CLYBL: variants seen among roughly 807,000 people sequenced by gnomAD.
The protein encoded by CLYBL is citramalyl-CoA lyase, mitochondrial.
Under a neutral mutation model 38.9 loss-of-function variants are expected in CLYBL, and 31 were observed. That is an observed-to-expected ratio of 0.80 (90% CI 0.60 to 1.08). The LOEUF (loss-of-function observed/expected upper bound fraction) is 1.08, where lower values mean the gene tolerates loss of function less well. Among genes scored for constraint, CLYBL ranks in the 50% least tolerant of loss-of-function variants. The pLI, the probability that CLYBL is intolerant of heterozygous loss-of-function variation, is 0.00. For missense variants in CLYBL, 434 were observed against 411.6 expected, an observed-to-expected ratio of 1.05 and a Z score of -0.47; for synonymous variants, 171 against 158.6, an observed-to-expected ratio of 1.08 and a Z score of -0.59.
chr13:99,751,233 T>G (rs2048951223), intron 1 of CLYBL, among the ~76,000 whole-genome samples: 1 of 152,094 alleles, frequency 6.6e-6, no homozygotes, highest in African/African-American at 2.4e-5. Context: ...TTTTGTTTTT[T>G]TTTTTTAGAT....
At chr13:99,693,602 T>C (rs2047939119) in intron 1 of CLYBL, among the ~76,000 whole-genome samples, 1 of 151,944 alleles carries the variant, frequency 6.6e-6, no homozygotes, top group Non-Finnish European at 1.5e-5. Context: ...AGAGAGATTA[T>C]TTTAAGTACC....
rs148788664 is a variant in CLYBL at position 99,628,088 on chromosome 13, C to T, written c.62+21331C>T. Among the ~76,000 whole-genome samples, 295 of 152,268 alleles carry T rather than the reference C, an allele frequency of 1.9e-3. 1 individual carries two copies. Among genetic ancestry groups the T allele is most frequent in the African/African-American group, 5.9e-3 (246 of 41,570 alleles). ...AACATTTTTACTTGTGTAGTTAGCACGATCACTTCTCCAAGTACAATAATC... is the reference window on the plus strand; with the variant it reads ...AACATTTTTACTTGTGTAGTTAGCATGATCACTTCTCCAAGTACAATAATC... On this transcript the variant is annotated intron_variant, in intron 1 of 8. Coordinates refer to ENST00000339105, the MANE Select transcript of CLYBL (RefSeq NM_206808.5).
rs112658506 is a variant in CLYBL, at chr13:99,882,646, G to A, written c.928-8672G>A. Among the ~76,000 whole-genome samples the A allele has an allele frequency of 5.6e-4, 85 of 151,808 alleles. 1 individual carries two copies. Among genetic ancestry groups the A allele is most frequent in the African/African-American group, 1.3e-3 (52 of 41,368 alleles). ...GCCATTGCACTCCAGCCTGGGAGAC[G>A]GGAGTGAGACCCTGTCTCAAAAAAA... On this transcript the variant is annotated intron_variant, in intron 7 of 8. Transcript: ENST00000339105.
rs115352025 is a variant in CLYBL at position 99,611,838 on chromosome 13, T to G, written c.62+5081T>G. ...TGAGTAAGCTTTGGTAGTTTGTATC[T>G]TTGAAGGACTATGTCCATTTCATCT... On this transcript the variant is annotated intron_variant, in intron 1 of 8. Coordinates refer to ENST00000339105, the MANE Select transcript of CLYBL (RefSeq NM_206808.5). Among the ~76,000 whole-genome samples, 265 of 152,358 alleles carry G rather than the reference T, an allele frequency of 1.7e-3. 1 individual carries two copies. The highest frequency in any genetic ancestry group is 6.1e-3 in the African/African-American group (253 of 41,592).
intron 1 of CLYBL, among the ~76,000 whole-genome samples, chr13:99,615,935 G>A (rs2046701804): frequency 1.3e-5 from 2 of 152,190 alleles, no homozygotes; most frequent in East Asian, 1.9e-4. Context: ...CTGGGTTCAA[G>A]CGATCCTCCT....
intron 2 of CLYBL, among the ~76,000 whole-genome samples, chr13:99,792,808 AC>A (rs1391285423): frequency 6.6e-6 from 1 of 152,160 alleles, no homozygotes; most frequent in East Asian, 1.9e-4. Flanking sequence ...AGACTGCAGA[AC>A]CGGGGAGGCA....
Position 99,833,030 on chromosome 13 carries a change from ATTTTTTTTTTTTT to A in CLYBL, c.250-25815_250-25803del, listed in dbSNP as rs869061868. 2.2e-3 allele frequency among the ~76,000 whole-genome samples: 80 copies of A among 35,876 alleles called. 2 individuals are homozygous for A. Among genetic ancestry groups the A allele is most frequent in the African/African-American group, 0.011 (78 of 7,146 alleles). 23.5% of individuals were successfully genotyped at this position (35,876 alleles called of 152,430 possible). ...TACATATATATATATATATATATATATTTTTTTTTTTTTTTTTTTTTTTTTTTTGAGATGGAGT... is the reference window on the plus strand; with the variant it reads ...TACATATATATATATATATATATATATTTTTTTTTTTTTTTGAGATGGAGT... On this transcript the variant is annotated intron_variant, in intron 2 of 8. Coordinates refer to ENST00000339105, the MANE Select transcript of CLYBL (RefSeq NM_206808.5).
chr13:99,887,260 T>C (rs192559699), intron 7 of CLYBL, among the ~76,000 whole-genome samples: 4 of 152,208 alleles, frequency 2.6e-5, no homozygotes, highest in Non-Finnish European at 5.9e-5. Context: ...ATTGTTCTGA[T>C]TCAGGGGGTC....
intron 2 of CLYBL, among the ~76,000 whole-genome samples, chr13:99,776,380 C>T (rs1459735770): frequency 6.6e-6 from 1 of 150,984 alleles, no homozygotes; most frequent in Non-Finnish European, 1.5e-5. Context: ...CCTGTAATCC[C>T]AGCTACTCGG....
At chr13:99,766,940 T>C (rs1239300056) in intron 1 of CLYBL, among the ~76,000 whole-genome samples, 1 of 152,200 alleles carries the variant, frequency 6.6e-6, no homozygotes, top group Non-Finnish European at 1.5e-5. Context: ...CAACAGAGAT[T>C]CCAGAGCTGG....
At chr13:99,677,503 G>A (rs944306677) in intron 1 of CLYBL, among the ~76,000 whole-genome samples, 2 of 152,152 alleles carry the variant, frequency 1.3e-5, no homozygotes, top group African/African-American at 4.8e-5. Flanking sequence ...TGTTTTAAAC[G>A]TTTCCATAAT....
intron 1 of CLYBL, among the ~76,000 whole-genome samples, chr13:99,661,983 G>T (rs1054753625): frequency 2.0e-5 from 3 of 152,154 alleles, no homozygotes; most frequent in African/African-American, 7.2e-5. Flanking sequence ...AAGAGAGAAG[G>T]CAGTTCAAGT....
chr13:99,889,788 G>GC (rs1303140232), intron 7 of CLYBL, among the ~76,000 whole-genome samples: 1 of 152,092 alleles, frequency 6.6e-6, no homozygotes. Context: ...CTACCTCTCA[G>GC]CCCTCATCAT....
chr13:99,789,252 T>G (rs2049865541), intron 2 of CLYBL, among the ~76,000 whole-genome samples: 1 of 152,218 alleles, frequency 6.6e-6, no homozygotes, highest in Non-Finnish European at 1.5e-5. Context: ...TTTGAGTTTG[T>G]TTGCTCTTGC....
intron 3 of CLYBL, among the ~76,000 whole-genome samples, chr13:99,862,557 GGCT>G (rs2051631011): frequency 6.6e-6 from 1 of 152,224 alleles, no homozygotes; most frequent in African/African-American, 2.4e-5. Context: ...CCACGTAGAA[GGCT>G]GCTGAACAGT....
intron 1 of CLYBL, among the ~76,000 whole-genome samples, chr13:99,729,255 A>G (rs2048538282): frequency 6.6e-6 from 1 of 152,256 alleles, no homozygotes; most frequent in Non-Finnish European, 1.5e-5. Flanking sequence ...TCGGTGACCA[A>G]CAGATGTACT....
At chr13:99,800,530 C>G (rs1566332230) in intron 2 of CLYBL, among the ~76,000 whole-genome samples, 1 of 152,120 alleles carries the variant, frequency 6.6e-6, no homozygotes, top group Non-Finnish European at 1.5e-5. Flanking sequence ...AAGCAAAATC[C>G]CTGGCCTGGA....
intron 1 of CLYBL, chr13:99,690,564 G>A (rs979136573): frequency 6.6e-5 from 10 of 152,080 alleles, no homozygotes; most frequent in Non-Finnish European, 1.5e-4. Context: ...ATCAGTTGAT[G>A]GAATCATCAG....
chr13:99,641,638 A>G (rs1191471465), intron 1 of CLYBL, among the ~76,000 whole-genome samples: 1 of 131,366 alleles, frequency 7.6e-6, no homozygotes, highest in Non-Finnish European at 1.6e-5. Flanking sequence ...CCCCATCTCT[A>G]CTAAAAATAC....
Sources: gnomAD v4.1 joint callset for allele counts (sites outside exome capture counted in the v4.1 genomes callset) on GRCh38, gnomAD v4.1.1 for gene constraint, MANE v1.5 for transcripts, NCBI Gene and HGNC (gene_info 2026-07-23, HGNC 2026-07-21) for gene names.